SV2C: variants seen among roughly 807,000 people sequenced by gnomAD.
The protein encoded by SV2C is solute carrier family 22 member B3.
Under a neutral mutation model 79.7 loss-of-function variants are expected in SV2C, and 49 were observed. That is an observed-to-expected ratio of 0.61 (90% CI 0.49 to 0.78). SV2C has a LOEUF of 0.78. SV2C is among the 30% of genes least tolerant of loss of function. The pLI is 0.00. For missense variants in SV2C, 833 were observed against 912.9 expected, an observed-to-expected ratio of 0.91 and a Z score of 1.13; for synonymous variants, 334 against 333.2, an observed-to-expected ratio of 1.00 and a Z score of -0.03.
the SV2C span, among the ~76,000 whole-genome samples, chr5:75,912,691 A>G: frequency 1.3e-5 from 2 of 152,130 alleles, no homozygotes; most frequent in East Asian, 3.8e-4. Flanking sequence ...GGGCCCTTAC[A>G]TGAAAACTCT....
the SV2C span, among the ~76,000 whole-genome samples, chr5:76,034,298 T>A: frequency 6.6e-6 from 1 of 152,116 alleles, no homozygotes; most frequent in Non-Finnish European, 1.5e-5. Flanking sequence ...GAATAGGAGT[T>A]GTGAGAGAGG....
chr5:76,164,316 C>T (rs1485434197), intron 2 of SV2C, among the ~76,000 whole-genome samples: 1 of 152,166 alleles, frequency 6.6e-6, no homozygotes, highest in East Asian at 1.9e-4. Flanking sequence ...TTACCTAGTT[C>T]CTTTTCCAGA....
intron 3 of SV2C, among the ~76,000 whole-genome samples, chr5:76,199,143 C>CT (rs35405220): frequency 6.6e-6 from 1 of 152,096 alleles, no homozygotes; most frequent in South Asian, 2.1e-4. Flanking sequence ...TTTATATATT[C>CT]TTTTTTTTAT....
chr5:75,968,764 C>T, the SV2C span, among the ~76,000 whole-genome samples: 1 of 152,142 alleles, frequency 6.6e-6, no homozygotes, highest in South Asian at 2.1e-4. Flanking sequence ...GGATATTATC[C>T]AGGAGAACTT....
chr5:76,119,012 A>G (rs1748384999), intron 1 of SV2C, among the ~76,000 whole-genome samples: 1 of 152,132 alleles, frequency 6.6e-6, no homozygotes, highest in Non-Finnish European at 1.5e-5. Flanking sequence ...AGACATCAAA[A>G]CTATGTGCTC....
At chr5:75,899,400 G>C in the SV2C span, among the ~76,000 whole-genome samples, 3 of 152,144 alleles carry the variant, frequency 2.0e-5, no homozygotes, top group Non-Finnish European at 4.4e-5. Context: ...TCTTAATCCT[G>C]AGTTCTAGTT....
chr5:76,188,451 G>A (rs185143331), intron 2 of SV2C, among the ~76,000 whole-genome samples: 1 of 152,242 alleles, frequency 6.6e-6, no homozygotes, highest in African/African-American at 2.4e-5. Flanking sequence ...GAACTGGTTG[G>A]GGAAGGGTTC....
In SV2C at chr5:76,226,908, A is replaced by G. The variant is rs1745264846; in HGVS notation, c.913+17021A>G. 1.3e-5 allele frequency among the ~76,000 whole-genome samples: 2 copies of G among 152,304 alleles called. 1 individual carries two copies. Among genetic ancestry groups the G allele is most frequent in the Middle Eastern group, 6.8e-3 (2 of 294 alleles). On this transcript the variant is annotated intron_variant, in intron 4 of 12. Coordinates refer to ENST00000502798, the MANE Select transcript of SV2C (RefSeq NM_014979.4). ...TGATCACTGGCTGTGTCTGGCAAGC[A>G]GTTGTGTCCTTAAACCAAAGGAAGT... is the stretch of plus-strand genomic sequence containing the variant.
At chr5:76,113,319 T>G (rs1206054385) in intron 1 of SV2C, among the ~76,000 whole-genome samples, 2 of 152,278 alleles carry the variant, frequency 1.3e-5, no homozygotes, top group African/African-American at 4.8e-5. Context: ...AAACGGAAGA[T>G]ACGTTGCTGG....
intron 12 of SV2C, among the ~76,000 whole-genome samples, chr5:76,339,296 A>G (rs570312636): frequency 6.6e-6 from 1 of 152,322 alleles, no homozygotes; most frequent in East Asian, 1.9e-4. Flanking sequence ...ATATTTTTTC[A>G]GTGCATATTC....
chr5:76,321,178 C>T (rs972055951), intron 12 of SV2C, among the ~76,000 whole-genome samples: 5 of 151,904 alleles, frequency 3.3e-5, no homozygotes, highest in African/African-American at 9.7e-5. Context: ...GTACAAGTAG[C>T]GATGAGTAGT....
At chr5:75,960,539 A>G in the SV2C span, among the ~76,000 whole-genome samples, 2 of 152,050 alleles carry the variant, frequency 1.3e-5, no homozygotes, top group Non-Finnish European at 2.9e-5. Context: ...CCTAATGTAC[A>G]GATTTGTGGC....
chr5:75,968,959 A>C, the SV2C span, among the ~76,000 whole-genome samples: 1 of 152,262 alleles, frequency 6.6e-6, no homozygotes, highest in Non-Finnish European at 1.5e-5. Flanking sequence ...GAGGCCCATC[A>C]GACTAACAGC....
chr5:75,943,824 TTCTC>T, the SV2C span, among the ~76,000 whole-genome samples: 1 of 152,178 alleles, frequency 6.6e-6, no homozygotes, highest in Admixed American at 6.5e-5. Context: ...ATTAGATGCT[TTCTC>T]CGTCCCTCTC....
rs141679160 is a variant in SV2C at position 76,175,566 on chromosome 5, A to G, written c.581-19353A>G. 2.2e-4 allele frequency among the ~76,000 whole-genome samples: 34 copies of G among 152,322 alleles called. No homozygotes were observed. The East Asian group carries it at 5.2e-3, about 23-fold the overall frequency. ...AACATGGTGCTAAAATTTCCCCCAT[A>G]TCCCAGACAACTTCCTGTTTGCAGC... On this transcript the variant is annotated intron_variant, in intron 2 of 12. Transcript: ENST00000502798.
the SV2C span, among the ~76,000 whole-genome samples, chr5:76,049,345 A>T: frequency 6.6e-6 from 1 of 152,068 alleles, no homozygotes; most frequent in Non-Finnish European, 1.5e-5. Flanking sequence ...AAAAGAAAAA[A>T]AAAATCAAGG....
intron 4 of SV2C, among the ~76,000 whole-genome samples, chr5:76,268,089 C>A (rs6865629): frequency 6.6e-6 from 1 of 152,084 alleles, no homozygotes; most frequent in Non-Finnish European, 1.5e-5. Context: ...CTGAGCTGGA[C>A]TGGGGAGCCC....
At chr5:75,926,362 AT>A in the SV2C span, among the ~76,000 whole-genome samples, 1 of 152,194 alleles carries the variant, frequency 6.6e-6, no homozygotes. Context: ...GACAGGAGGG[AT>A]TTGGGACATT....
the SV2C span, among the ~76,000 whole-genome samples, chr5:75,948,068 TA>T: frequency 7.7e-4 from 117 of 152,172 alleles, no homozygotes; most frequent in African/African-American, 2.7e-3. Context: ...GGCCCCTGTT[TA>T]GATAAAATGG....
Sources: allele counts gnomAD v4.1 joint callset (sites outside exome capture counted in the v4.1 genomes callset), GRCh38; gene constraint gnomAD v4.1.1; transcripts MANE v1.5; gene names NCBI Gene and HGNC (gene_info 2026-07-23, HGNC 2026-07-21).